CTDP1: variants seen among roughly 807,000 people sequenced by gnomAD.
CTDP1 encodes CTD phosphatase 1.
CTDP1 carries 47 observed loss-of-function variants against 91.8 expected under a neutral mutation model. That is an observed-to-expected ratio of 0.51 (90% CI 0.41 to 0.65). The LOEUF (loss-of-function observed/expected upper bound fraction) is 0.65, where lower values mean the gene tolerates loss of function less well. Ranked by LOEUF, CTDP1 falls within the 30% of genes least tolerant of loss-of-function variation. The pLI is 0.00. For missense variants in CTDP1, 1,272 were observed against 1,373.7 expected, an observed-to-expected ratio of 0.93 and a Z score of 1.17; for synonymous variants, 656 against 598.5, an observed-to-expected ratio of 1.10 and a Z score of -1.40.
At chr18:79,706,379 C>G (rs542474260) in intron 5 of CTDP1, among the ~76,000 whole-genome samples, 11 of 152,186 alleles carry the variant, frequency 7.2e-5, no homozygotes, top group Non-Finnish European at 1.3e-4. Context: ...GCAGCCAGTG[C>G]CAGGCACCTC....
At chr18:79,755,816 T>C (rs1198300540), downstream of CTDP1, 1 of 152,608 alleles carries the variant, frequency 6.6e-6, no homozygotes, top group African/African-American at 2.4e-5. Context: ...GGACCTCTGC[T>C]GCTGGGTCTG....
At chr18:79,708,744 G>A (rs968919273) in intron 5 of CTDP1, among the ~76,000 whole-genome samples, 4 of 152,230 alleles carry the variant, frequency 2.6e-5, no homozygotes, top group African/African-American at 4.8e-5. Flanking sequence ...ACTCTGGACC[G>A]GCTCACTCTT....
At chr18:79,733,825 A>G (rs933273961) in intron 11 of CTDP1, among the ~76,000 whole-genome samples, 31 of 152,144 alleles carry the variant, frequency 2.0e-4, no homozygotes, top group African/African-American at 7.0e-4. Flanking sequence ...TGGTAGAAAC[A>G]TTTCATTTCC....
chr18:79,745,202 T>C (rs1041192013), intron 12 of CTDP1, among the ~76,000 whole-genome samples: 1 of 152,156 alleles, frequency 6.6e-6, no homozygotes, highest in East Asian at 1.9e-4. Flanking sequence ...GGAAGATGAG[T>C]GGTCAGCACA....
intron 12 of CTDP1, among the ~76,000 whole-genome samples, chr18:79,739,859 C>CGCGGCCGGG (rs2122812489): frequency 2.6e-5 from 1 of 38,738 alleles, no homozygotes; most frequent in African/African-American, 9.8e-5. Flanking sequence ...CTCTCATACC[C>CGCGGCCGGG]ACGGCCGGGA....
rs2086896383 is a variant in CTDP1, at chr18:79,747,038, G to A, written c.2748-6614G>A. On this transcript the variant is annotated intron_variant, in intron 12 of 12. Coordinates refer to ENST00000613122, the MANE Select transcript of CTDP1 (RefSeq NM_004715.5). ...CAGCCACTCTGGTGCCTGCAGTTTA[G>A]AATTTGGGTACAAAGCTGCTGAATC... is the stretch of plus-strand genomic sequence containing the variant. 3.9e-5 allele frequency among the ~76,000 whole-genome samples: 6 copies of A among 152,348 alleles called. No individual in the cohort carries two copies. The South Asian group carries it at 1.2e-3, about 32-fold the overall frequency.
At chr18:79,700,251 G>C (rs79893456) in intron 4 of CTDP1, among the ~76,000 whole-genome samples, 1 of 152,200 alleles carries the variant, frequency 6.6e-6, no homozygotes, top group Non-Finnish European at 1.5e-5. Context: ...AAAGGTAGAC[G>C]TGATTATGCT....
At chr18:79,731,569 C>T (rs1008418664) in intron 11 of CTDP1, among the ~76,000 whole-genome samples, 6 of 152,284 alleles carry the variant, frequency 3.9e-5, no homozygotes, top group African/African-American at 1.4e-4. Flanking sequence ...TAGGAGACCA[C>T]TCACTTGATG....
At chr18:79,733,598 T>G (rs960933715) in intron 11 of CTDP1, among the ~76,000 whole-genome samples, 1 of 151,040 alleles carries the variant, frequency 6.6e-6, no homozygotes, top group Non-Finnish European at 1.5e-5. Context: ...TTACCTCGTT[T>G]CTGCGTGTTC....
At chr18:79,744,170 G>T (rs2086835258) in intron 12 of CTDP1, among the ~76,000 whole-genome samples, 1 of 152,166 alleles carries the variant, frequency 6.6e-6, no homozygotes, top group African/African-American at 2.4e-5. Flanking sequence ...TTTCCAGAGT[G>T]AACCAGTGTT....
intron 5 of CTDP1, among the ~76,000 whole-genome samples, chr18:79,709,627 G>A (rs943467482): frequency 1.8e-4 from 28 of 152,326 alleles, no homozygotes; most frequent in South Asian, 2.1e-4. Context: ...TAGCCTAAGC[G>A]GATTCTTCGC....
Position 79,717,528 on chromosome 18 carries a change from C to A in CTDP1, c.2069-7C>A. ...GGAACAGCCTGACGCAGCCGGGTCT[C>A]CTGCAGGCACAGAGAAGGTGCTGCA... On this transcript the variant is annotated splice_polypyrimidine_tract_variant and splice_region_variant and intron_variant, in intron 8 of 12. Coordinates refer to ENST00000613122, the MANE Select transcript of CTDP1 (RefSeq NM_004715.5). 6.2e-7 allele frequency: 1 copy of A among 1,612,588 alleles called. No individual in the cohort carries two copies. The highest frequency in any genetic ancestry group is 8.5e-7 in the Non-Finnish European group (1 of 1,179,870).
At position 79,735,339 on chromosome 18, in the gene CTDP1, G is replaced by A. The variant is rs375613699; in HGVS notation, c.2581-1016G>A. On this transcript the variant is annotated intron_variant, in intron 11 of 12. Transcript: ENST00000613122. ...TGGGGGACTGTGGTCAGGCCGCCCC[G>A]CCTCACCTGCCTGTCTCAGGGACCA... is the stretch of plus-strand genomic sequence containing the variant. Among the ~76,000 whole-genome samples the A allele has an allele frequency of 6.4e-4, 97 of 152,306 alleles. 2 individuals carry two copies. Among genetic ancestry groups the A allele is most frequent in the South Asian group, 2.9e-3 (14 of 4,826 alleles).
chr18:79,725,211 C>G (rs988072617), intron 10 of CTDP1, among the ~76,000 whole-genome samples: 1 of 152,120 alleles, frequency 6.6e-6, no homozygotes, highest in Non-Finnish European at 1.5e-5. Flanking sequence ...TTTATGTTGA[C>G]GTTGAGGGGC....
intron 4 of CTDP1, 132 bp from the exon 5 acceptor site, chr18:79,704,635 C>A: frequency 8.1e-7 from 1 of 1,231,610 alleles, no homozygotes. Flanking sequence ...CTGTCGGGCA[C>A]ACGCGTGTCT....
intron 12 of CTDP1, among the ~76,000 whole-genome samples, chr18:79,748,718 G>C (rs1161902065): frequency 6.6e-6 from 1 of 152,220 alleles, no homozygotes; most frequent in Non-Finnish European, 1.5e-5. Flanking sequence ...AGCGCCTGCG[G>C]CCGCCTCATC....
At chr18:79,701,083 T>C (rs933700538) in intron 4 of CTDP1, among the ~76,000 whole-genome samples, 2 of 152,218 alleles carry the variant, frequency 1.3e-5, no homozygotes, top group African/African-American at 4.8e-5. Flanking sequence ...TCATTGACCA[T>C]GCACCTGGTC....
intron 1 of CTDP1, among the ~76,000 whole-genome samples, chr18:79,689,201 A>G (rs530302105): frequency 6.6e-6 from 1 of 152,266 alleles, no homozygotes; most frequent in African/African-American, 2.4e-5. Flanking sequence ...CTGGTTTAGT[A>G]GGACATCCCT....
At chr18:79,753,427 G>A (rs375269532) in intron 12 of CTDP1, among the ~76,000 whole-genome samples, 47 of 152,366 alleles carry the variant, frequency 3.1e-4, no homozygotes, top group South Asian at 1.9e-3. Flanking sequence ...TGTCAGTGGT[G>A]TCCTGGTGTG....
Sources: gnomAD v4.1 joint callset for allele counts (sites outside exome capture counted in the v4.1 genomes callset) on GRCh38, gnomAD v4.1.1 for gene constraint, MANE v1.5 for transcripts, NCBI Gene and HGNC (gene_info 2026-07-23, HGNC 2026-07-21) for gene names.